The following NDUFS7 variants were observed in gnomAD, a reference collection of about 807,000 sequenced individuals.
NDUFS7 encodes the protein NADH dehydrogenase [ubiquinone] iron-sulfur protein 7, mitochondrial.
NDUFS7 carries 11 observed loss-of-function variants against 31.1 expected under a neutral mutation model. That is an observed-to-expected ratio of 0.35 (90% CI 0.22 to 0.59). The LOEUF is 0.59. NDUFS7 is among the 20% of genes least tolerant of loss of function. NDUFS7 has a pLI of 0.79. For synonymous variants in NDUFS7, 136 were observed against 127.9 expected (o/e 1.06, Z -0.43); for missense variants, 263 against 324.2 (o/e 0.81, Z 1.45).
intron 7 of NDUFS7, chr19:1,394,535 C>T (rs1291383507): frequency 3.2e-6 from 4 of 1,248,528 alleles, no homozygotes; most frequent in South Asian, 1.3e-5. Context: ...TCCCTGCGGA[C>T]CGCGCTCCTC....
intron 4 of NDUFS7, chr19:1,390,137 T>A (rs1273288489): frequency 6.4e-6 from 1 of 155,132 alleles, no homozygotes; most frequent in Non-Finnish European, 1.4e-5. Flanking sequence ...CCTGACCTCG[T>A]GATCCGCCCA....
At chr19:1,394,699 A>G (rs1247041592) in intron 7 of NDUFS7, 1 of 1,188,618 alleles carries the variant, frequency 8.4e-7, no homozygotes, top group Non-Finnish European at 1.1e-6. Context: ...CTCCCTGCGG[A>G]CTGTGCTTCT....
chr19:1,391,541 C>T (rs1175551881), intron 6 of NDUFS7, among the ~76,000 whole-genome samples: 4 of 145,728 alleles, frequency 2.7e-5, no homozygotes, highest in Non-Finnish European at 5.9e-5. Flanking sequence ...GGCTGGAGTG[C>T]GGTGGAACCA....
At chr19:1,394,630 C>A (rs977360357) in intron 7 of NDUFS7, 5 of 1,214,206 alleles carry the variant, frequency 4.1e-6, no homozygotes, top group Non-Finnish European at 5.2e-6. Context: ...CAGCGGACCG[C>A]GCTCCTCCCT....
intron 7 of NDUFS7, chr19:1,395,159 G>A (rs2082587612): frequency 2.1e-6 from 3 of 1,410,876 alleles, no homozygotes; most frequent in East Asian, 2.6e-5. Flanking sequence ...AGCCCGGGAT[G>A]AGCCACGGGT....
At chr19:1,388,785 A>G in intron 3 of NDUFS7, 48 bp from the exon 4 acceptor site, 1 of 1,541,684 alleles carries the variant, frequency 6.5e-7, no homozygotes, top group Non-Finnish European at 8.8e-7. Context: ...GCCTCTGGGA[A>G]GCACCTGCGT....
Position 1,394,460 on chromosome 19 carries a change from G to T in NDUFS7, c.545-931G>T, listed in dbSNP as rs531479866. 194 of 1,268,034 alleles carry T rather than the reference G, an allele frequency of 1.5e-4. No homozygotes were observed. The Middle Eastern group carries it at 2.4e-3, about 16-fold the overall frequency. 78.5% of individuals were successfully genotyped at this position (1,268,034 alleles called of 1,614,324 possible). ...CTGGGGACCGCGCTCCTCCCTCCCT[G>T]CGGACTGTGCTCCCTGTCTGGGGAC... On this transcript the variant is annotated intron_variant, in intron 7 of 7. Coordinates refer to ENST00000233627, the MANE Select transcript of NDUFS7 (RefSeq NM_024407.5).
In NDUFS7 at chr19:1,387,824, C is replaced by T. The variant is rs938207820; in HGVS notation, c.30C>T (p.Arg10=). The T allele has an allele frequency of 3.7e-5, 60 of 1,609,924 alleles. No individual in the cohort carries two copies. Among genetic ancestry groups the T allele is most frequent in the Non-Finnish European group, 4.6e-5 (54 of 1,179,284 alleles). The change falls in exon 2 of 8, where the codon CGC becomes CGT. Residue 10 remains arginine, a synonymous_variant. Coordinates refer to ENST00000233627, the MANE Select transcript of NDUFS7 (RefSeq NM_024407.5). ...TCCTCTCTGCAGCTCCTGGCCTGCG[C>T]GGCTTCCGGATCCTTGGTCTGCGGT... MAVLSAPGL[R]GFRILGLRSS...
intron 7 of NDUFS7, chr19:1,394,585 G>A (rs1449996267): frequency 7.4e-6 from 9 of 1,209,336 alleles, no homozygotes; most frequent in South Asian, 2.9e-5. Flanking sequence ...TGCGGACCGC[G>A]CTCGGCCCTC....
At chr19:1,394,600 G>T (rs566781894) in intron 7 of NDUFS7, 1 of 1,149,542 alleles carries the variant, frequency 8.7e-7, no homozygotes, top group South Asian at 1.6e-5. Context: ...GCCCTCCCTG[G>T]GGACCGCGCC....
chr19:1,393,400 C>T lies in NDUFS7; in HGVS notation c.544+70C>T. 2 of 1,359,436 alleles carry T rather than the reference C, an allele frequency of 1.5e-6. No individual in the cohort carries two copies. Among genetic ancestry groups the T allele is most frequent in the East Asian group, 2.5e-5 (1 of 40,006 alleles). The allele number at this position is 1,359,436 out of a possible 1,614,324, so 84.2% of individuals were successfully genotyped here. A position where few individuals can be genotyped will look rare whatever the true frequency, so the allele number is the denominator to read the frequency against. On this transcript the variant is annotated intron_variant, in intron 7 of 7. Transcript: ENST00000233627. The surrounding 1 kb of genome is among the most constrained non-coding windows in gnomAD (Gnocchi z 7.3). ...CCAGCGCCACACGGAGCCCGGCGGCCCCTGTGAGGGAGTCCCACACCCCCA... is the reference window on the plus strand; with the variant it reads ...CCAGCGCCACACGGAGCCCGGCGGCTCCTGTGAGGGAGTCCCACACCCCCA...
rs1418377330 is a variant in NDUFS7, at chr19:1,391,069, G to A, written c.408+19G>A. ...TCGCAAGGTAGGCCTCGTCCCAGCCGCCCAGCCGCCCCCAGAGTGAGCTGC... is the reference window on the plus strand; with the variant it reads ...TCGCAAGGTAGGCCTCGTCCCAGCCACCCAGCCGCCCCCAGAGTGAGCTGC... On this transcript the variant is annotated intron_variant, in intron 5 of 7. Coordinates refer to ENST00000233627, the MANE Select transcript of NDUFS7 (RefSeq NM_024407.5). 3.7e-6 allele frequency: 6 copies of A among 1,612,296 alleles called. No homozygotes were observed. Among genetic ancestry groups the A allele is most frequent in the African/African-American group, 2.7e-5 (2 of 74,854 alleles).
intron 1 of NDUFS7, among the ~76,000 whole-genome samples, chr19:1,387,428 G>A (rs1251430748): frequency 1.3e-5 from 2 of 152,238 alleles, no homozygotes; most frequent in Admixed American, 6.5e-5. Flanking sequence ...CTCATGAGAA[G>A]GGGCCAGCAG....
At chr19:1,388,989 C>A (rs1165699184) in intron 4 of NDUFS7, 51 bp downstream of exon 4, 3 of 1,428,882 alleles carry the variant, frequency 2.1e-6, no homozygotes, top group Admixed American at 1.9e-5. Context: ...CCTCTCTGCA[C>A]ACTCACAGGC....
Position 1,393,336 on chromosome 19 carries a change from G to T in NDUFS7, c.544+6G>T, listed in dbSNP as rs1352620982. 1 of 1,565,820 alleles carries T rather than the reference G, an allele frequency of 6.4e-7. No homozygotes were observed. The highest frequency in any genetic ancestry group is 8.6e-7 in the Non-Finnish European group (1 of 1,156,520). ...CGTGGACATCTACATCCCAGGTAGG[G>T]CCGGGACCGCACCGCCCACGAGGGA... On this transcript the variant is annotated splice_donor_region_variant and intron_variant, in intron 7 of 7. Coordinates refer to ENST00000233627, the MANE Select transcript of NDUFS7 (RefSeq NM_024407.5). This position sits in a 1 kb window ranked among gnomAD's most constrained non-coding sequence, Gnocchi z 7.3.
intron 3 of NDUFS7, 71 bp from the exon 4 acceptor site, chr19:1,388,762 G>A (rs758379713): frequency 1.3e-5 from 20 of 1,502,376 alleles, no homozygotes; most frequent in Non-Finnish European, 1.8e-5. Context: ...AGCGGCCGTG[G>A]GGGCTCGCAT....
rs1487831905 is a variant in NDUFS7 at position 1,391,042 on chromosome 19, C to G, written c.400C>G (p.Leu134Val). The change falls in exon 5 of 8, where the codon CTT (leucine) becomes GTT (valine). Residue 134 changes from leucine to valine, a missense_variant. Coordinates refer to ENST00000233627, the MANE Select transcript of NDUFS7 (RefSeq NM_024407.5). ...GTLTNKMAPALRKVYDQMPEP... is the reference protein window; with the variant it reads ...GTLTNKMAPAVRKVYDQMPEP... ...ACTCACCAACAAGATGGCCCCAGCG[C>G]TTCGCAAGGTAGGCCTCGTCCCAGC... 6.2e-7 allele frequency: 1 copy of G among 1,613,286 alleles called. No homozygotes were observed. Among genetic ancestry groups the G allele is most frequent in the African/African-American group, 1.3e-5 (1 of 74,944 alleles).
chr19:1,390,472 T>C (rs1472389997), intron 4 of NDUFS7: 2 of 295,296 alleles, frequency 6.8e-6, no homozygotes, highest in South Asian at 3.7e-5. Context: ...GAGGGCTTCC[T>C]GGAGGCGTCG....
At chr19:1,384,249 C>T (rs927377458) in intron 1 of NDUFS7, 10 of 456,242 alleles carry the variant, frequency 2.2e-5, no homozygotes, top group African/African-American at 2.1e-5. Flanking sequence ...GGGCACGGCC[C>T]GCGAGGCTGC....
Sources: allele counts gnomAD v4.1 joint callset (sites outside exome capture counted in the v4.1 genomes callset), GRCh38; gene constraint gnomAD v4.1.1; non-coding constraint Gnocchi (gnomAD v3.1); transcripts MANE v1.5; gene names NCBI Gene and HGNC (gene_info 2026-07-23, HGNC 2026-07-21).